RPS6KA5: variants seen among roughly 807,000 people sequenced by gnomAD.
The protein encoded by RPS6KA5 is ribosomal protein S6 kinase alpha-5.
RPS6KA5 carries 27 observed loss-of-function variants against 85.5 expected under a neutral mutation model. The observed-to-expected ratio is 0.32, with a 90% CI of 0.23 to 0.44. The LOEUF is 0.44. Ranked by LOEUF, RPS6KA5 falls within the 20% of genes least tolerant of loss-of-function variation. RPS6KA5 has a pLI of 1.00. For missense variants in RPS6KA5, 811 were observed against 980.9 expected (o/e 0.83, Z 2.31); for synonymous variants, 334 against 348.2 (o/e 0.96, Z 0.46).
intron 5 of RPS6KA5, among the ~76,000 whole-genome samples, chr14:90,930,349 A>C (rs2036910530): frequency 6.6e-6 from 1 of 152,220 alleles, no homozygotes; most frequent in Admixed American, 6.5e-5. Flanking sequence ...AAATACTTAA[A>C]AGGTAATTGG....
intron 3 of RPS6KA5, among the ~76,000 whole-genome samples, chr14:90,948,552 G>C (rs538470013): frequency 2.4e-4 from 37 of 152,074 alleles, no homozygotes; most frequent in African/African-American, 8.7e-4. Flanking sequence ...AAAATTAATC[G>C]GGCGTGGTGG....
rs975743237 is a variant in RPS6KA5 at position 90,854,264 on chromosome 14, TTAA to T, written c.*17807_*17809del. 1.4e-5 allele frequency: 2 copies of T among 145,900 alleles called. No homozygotes were observed. The highest frequency in any genetic ancestry group is 1.3e-4 in the Admixed American group (2 of 15,046). The allele number at this position is 145,900 out of a possible 1,614,324, so 9.0% of individuals were successfully genotyped here. A position where few individuals can be genotyped will look rare whatever the true frequency, so the allele number is the denominator to read the frequency against. ...TGATTAATGTTTAATCATTAATCAT[TTAA>T]TAATAAATGGCTACCAGATTTAGAA... On this transcript the variant is annotated 3_prime_UTR_variant, in exon 17 of 17. Transcript: ENST00000614987.
At chr14:91,010,842 C>A (rs1286144) in intron 1 of RPS6KA5, among the ~76,000 whole-genome samples, 4 of 151,992 alleles carry the variant, frequency 2.6e-5, no homozygotes, top group African/African-American at 4.8e-5. Context: ...AGGTTCTTCA[C>A]GCAGTGATAA....
At position 90,848,254 on chromosome 14, in the gene RPS6KA5, T is replaced by G. The variant is rs2031815090; in HGVS notation, c.*23820A>C. On this transcript the variant is annotated 3_prime_UTR_variant, in exon 17 of 17. Coordinates refer to ENST00000614987, the MANE Select transcript of RPS6KA5 (RefSeq NM_004755.4). ...ATAGCTCACCTTTAATCAAAGGCAG[T>G]ACCAGTTATCGCTATAATAAAGCAC... The G allele has an allele frequency of 1.3e-5, 2 of 152,208 alleles. No homozygotes were observed. Among genetic ancestry groups the G allele is most frequent in the African/African-American group, 4.8e-5 (2 of 41,454 alleles). The allele number at this position is 152,208 out of a possible 1,614,324, so 9.4% of individuals were successfully genotyped here.
At chr14:91,008,496 A>T (rs1245244044) in intron 1 of RPS6KA5, among the ~76,000 whole-genome samples, 1 of 152,232 alleles carries the variant, frequency 6.6e-6, no homozygotes, top group Non-Finnish European at 1.5e-5. Context: ...AACAGTCAAG[A>T]GTGCCTACTA....
intron 1 of RPS6KA5, among the ~76,000 whole-genome samples, chr14:91,055,313 A>G (rs1266768151): frequency 2.0e-5 from 3 of 152,244 alleles, no homozygotes; most frequent in Non-Finnish European, 4.4e-5. Context: ...ATAGGTCCAC[A>G]CAAAAACTTG....
chr14:90,994,504 A>G (rs1460660288), intron 2 of RPS6KA5, among the ~76,000 whole-genome samples: 1 of 128,378 alleles, frequency 7.8e-6, no homozygotes, highest in Non-Finnish European at 1.7e-5. Context: ...GTCTAATTCT[A>G]TTATTTGTTG....
At position 90,900,744 on chromosome 14, in the gene RPS6KA5, C is replaced by G. The variant is rs372498613; in HGVS notation, c.1120-8G>C. The G allele has an allele frequency of 2.8e-5, 45 of 1,603,066 alleles. No individual in the cohort carries two copies. In the African/African-American group the frequency reaches 5.5e-4, roughly 20 times the overall value. On this transcript the variant is annotated splice_region_variant and splice_polypyrimidine_tract_variant and intron_variant, in intron 9 of 16. Transcript: ENST00000614987. Reference sequence around the variant, plus strand: ...AGCAACAAAGGAATAGCCCTAAAAACAAGACAAAGAAAGATAAAGAAAAAC... The same window carrying G: ...AGCAACAAAGGAATAGCCCTAAAAAGAAGACAAAGAAAGATAAAGAAAAAC...
At chr14:91,042,021 G>C (rs1245235069) in intron 1 of RPS6KA5, among the ~76,000 whole-genome samples, 1 of 152,122 alleles carries the variant, frequency 6.6e-6, no homozygotes, top group Non-Finnish European at 1.5e-5. Context: ...AAAGGAGAAA[G>C]AGAACATTAA....
intron 1 of RPS6KA5, among the ~76,000 whole-genome samples, chr14:91,053,507 T>C (rs544471574): frequency 5.9e-5 from 9 of 152,324 alleles, no homozygotes; most frequent in Admixed American, 4.6e-4. Flanking sequence ...TCACCAAGGT[T>C]GCAGGACACA....
At chr14:90,965,843 C>T (rs955739538) in intron 3 of RPS6KA5, among the ~76,000 whole-genome samples, 1 of 151,900 alleles carries the variant, frequency 6.6e-6, no homozygotes, top group African/African-American at 2.4e-5. Context: ...CAGATGGAAC[C>T]CAAAGGAAGT....
intron 14 of RPS6KA5, among the ~76,000 whole-genome samples, chr14:90,887,765 T>C (rs1002499535): frequency 2.0e-5 from 3 of 149,628 alleles, no homozygotes; most frequent in Non-Finnish European, 3.0e-5. Flanking sequence ...GAGACCAGCC[T>C]GGGCAACAAA....
intron 4 of RPS6KA5, 37 bp downstream of exon 4, chr14:90,947,398 A>C: frequency 1.7e-6 from 2 of 1,148,174 alleles, no homozygotes; most frequent in Non-Finnish European, 2.6e-6. Flanking sequence ...TAGTTAACAG[A>C]CTTCAGAAAA....
At chr14:91,031,061 A>G (rs2139838822) in intron 1 of RPS6KA5, among the ~76,000 whole-genome samples, 1 of 152,312 alleles carries the variant, frequency 6.6e-6, no homozygotes, top group Middle Eastern at 3.4e-3. Context: ...ATTTTAAAAT[A>G]TAAATGTAAA....
In RPS6KA5 at chr14:91,005,144, A is replaced by G. The variant is rs1421087049; in HGVS notation, c.104-3985T>C. ...TTAGCTTTCCTAGAATTTCATATAA[A>G]TGAAATCATGCAATACATAGTTTCT... On this transcript the variant is annotated intron_variant, in intron 1 of 16. Transcript: ENST00000614987. Among the ~76,000 whole-genome samples the G allele has an allele frequency of 4.6e-5, 7 of 152,276 alleles. No individual in the cohort carries two copies. The East Asian group carries it at 1.3e-3, about 29-fold the overall frequency.
chr14:90,945,539 T>C (rs8016640), intron 4 of RPS6KA5, among the ~76,000 whole-genome samples: 4,939 of 152,314 alleles, frequency 0.032, 263 homozygotes, highest in African/African-American at 0.11. Context: ...TTATCAAGAT[T>C]AACATTGCTG....
At chr14:91,053,497 TCAC>T (rs1014786791) in intron 1 of RPS6KA5, among the ~76,000 whole-genome samples, 1 of 152,154 alleles carries the variant, frequency 6.6e-6, no homozygotes, top group African/African-American at 2.4e-5. Flanking sequence ...ATAAACTAGT[TCAC>T]CAAGGTTGCA....
chr14:90,937,230 C>T (rs555255061), intron 5 of RPS6KA5, among the ~76,000 whole-genome samples: 53 of 151,964 alleles, frequency 3.5e-4, no homozygotes, highest in Non-Finnish European at 4.9e-4. Context: ...TTAATATGCA[C>T]GTCAATGGTA....
intron 5 of RPS6KA5, among the ~76,000 whole-genome samples, chr14:90,936,960 A>G (rs2037291736): frequency 6.6e-6 from 1 of 152,126 alleles, no homozygotes; most frequent in Admixed American, 6.6e-5. Flanking sequence ...AAACATTCAC[A>G]TATTTGGGTC....
Sources: gnomAD v4.1 joint callset for allele counts (sites outside exome capture counted in the v4.1 genomes callset) on GRCh38, gnomAD v4.1.1 for gene constraint, MANE v1.5 for transcripts, NCBI Gene and HGNC (gene_info 2026-07-23, HGNC 2026-07-21) for gene names.